The following SLC39A8 variants were observed in gnomAD, a reference collection of about 807,000 sequenced individuals.
The protein encoded by SLC39A8 is solute carrier family 39 member 8, also known as metal cation symporter ZIP8.
In SLC39A8, 15 loss-of-function variants were observed where a neutral mutation model predicts 40.4. The observed-to-expected ratio is 0.37, with a 90% confidence interval of 0.25 to 0.57. SLC39A8 has a LOEUF of 0.57. SLC39A8 is among the 20% of genes least tolerant of loss of function. The pLI, the probability that SLC39A8 is intolerant of heterozygous loss-of-function variation, is 0.75. For synonymous variants in SLC39A8, 223 were observed against 221.6 expected (o/e 1.01, Z -0.06); for missense variants, 472 against 558.8 (o/e 0.84, Z 1.57).
rs1469562193 is a variant in SLC39A8, at chr4:102,263,182, C to G, written c.1245G>C (p.Met415Ile). ...TTACCTTTTCTCTCAGCATATCATT[C>G]ATCTCTGGAAACTAGAAGACAGATA... Reference protein sequence around the residue: ...YISLADMFPEMNDMLREKVTG... With the variant: ...YISLADMFPEINDMLREKVTG... The change falls in exon 9 of 9, where the codon ATG becomes ATC. Residue 415 changes from methionine to isoleucine, a missense_variant. Met to Ile is a conservative substitution (Grantham distance 10). Coordinates refer to ENST00000356736, the MANE Select transcript of SLC39A8 (RefSeq NM_001135146.2). The G allele has an allele frequency of 1.2e-6, 2 of 1,613,212 alleles. No homozygotes were observed. Among genetic ancestry groups the G allele is most frequent in the East Asian group, 4.5e-5 (2 of 44,844 alleles).
intron 2 of SLC39A8, among the ~76,000 whole-genome samples, chr4:102,340,878 G>A (rs149837158): frequency 2.0e-5 from 3 of 152,264 alleles, no homozygotes; most frequent in Admixed American, 6.5e-5. Context: ...GCAATTCAAG[G>A]AAAAGAAGAA....
chr4:102,317,675 G>A (rs1734721950), intron 2 of SLC39A8, among the ~76,000 whole-genome samples: 1 of 152,152 alleles, frequency 6.6e-6, no homozygotes, highest in Admixed American at 6.6e-5. Flanking sequence ...AGGTGTGATA[G>A]CACATGATAG....
chr4:102,294,906 T>G (rs1444329234), intron 6 of SLC39A8, among the ~76,000 whole-genome samples: 2 of 151,892 alleles, frequency 1.3e-5, no homozygotes, highest in Non-Finnish European at 2.9e-5. Context: ...CTTATTAAAT[T>G]GGCAATAATC....
At chr4:102,341,632 T>C (rs1439729318) in intron 2 of SLC39A8, among the ~76,000 whole-genome samples, 1 of 152,238 alleles carries the variant, frequency 6.6e-6, no homozygotes, top group African/African-American at 2.4e-5. Flanking sequence ...CTTCGCACTG[T>C]CAGTAGCTAT....
intron 6 of SLC39A8, among the ~76,000 whole-genome samples, chr4:102,288,077 C>T (rs1733259985): frequency 6.6e-6 from 1 of 152,072 alleles, no homozygotes; most frequent in African/African-American, 2.4e-5. Context: ...TATTGTGCTT[C>T]TCAGATATTG....
At chr4:102,294,062 C>T (rs1733580609) in intron 6 of SLC39A8, among the ~76,000 whole-genome samples, 1 of 151,758 alleles carries the variant, frequency 6.6e-6, no homozygotes, top group African/African-American at 2.4e-5. Flanking sequence ...AAACTGGATC[C>T]TCATATACAA....
chr4:102,263,888 G>A (rs1731973932), intron 8 of SLC39A8, among the ~76,000 whole-genome samples: 1 of 152,082 alleles, frequency 6.6e-6, no homozygotes, highest in Non-Finnish European at 1.5e-5. Flanking sequence ...GTTTAATCAC[G>A]AGATTGCAGC....
At position 102,270,468 on chromosome 4, in the gene SLC39A8, G is replaced by C. The variant is rs534080292; in HGVS notation, c.841-2389C>G. On this transcript the variant is annotated intron_variant, in intron 6 of 8. Coordinates refer to ENST00000356736, the MANE Select transcript of SLC39A8 (RefSeq NM_001135146.2). ...ACCTAGAATTAAATCACTGAGCAGAGAGAACACTAAATTCAAGTTCCTGTA... is the reference window on the plus strand; with the variant it reads ...ACCTAGAATTAAATCACTGAGCAGACAGAACACTAAATTCAAGTTCCTGTA... Among the ~76,000 whole-genome samples, 11 of 152,272 alleles carry C rather than the reference G, an allele frequency of 7.2e-5. No homozygotes were observed. In the South Asian group the frequency reaches 2.1e-3, roughly 29 times the overall value.
At chr4:102,283,432 G>A (rs1732997762) in intron 6 of SLC39A8, among the ~76,000 whole-genome samples, 1 of 152,132 alleles carries the variant, frequency 6.6e-6, no homozygotes. Flanking sequence ...TTATTTTATT[G>A]CTGTTTGCCA....
intron 6 of SLC39A8, among the ~76,000 whole-genome samples, chr4:102,289,354 G>A (rs973226559): frequency 1.3e-5 from 2 of 152,100 alleles, no homozygotes; most frequent in Admixed American, 6.6e-5. Context: ...AGTCACCTAA[G>A]AGCTCTTACG....
chr4:102,335,918 A>G (rs1238329838), intron 2 of SLC39A8, among the ~76,000 whole-genome samples: 1 of 151,954 alleles, frequency 6.6e-6, no homozygotes, highest in Non-Finnish European at 1.5e-5. Context: ...TTCTTCTTTT[A>G]GTTGACAGAC....
At chr4:102,314,511 C>T (rs1734576042) in intron 3 of SLC39A8, among the ~76,000 whole-genome samples, 1 of 152,126 alleles carries the variant, frequency 6.6e-6, no homozygotes, top group Non-Finnish European at 1.5e-5. Flanking sequence ...GTCTCCATCT[C>T]CCGCCAGGAC....
At chr4:102,307,896 C>T (rs910180398) in intron 3 of SLC39A8, among the ~76,000 whole-genome samples, 3 of 151,796 alleles carry the variant, frequency 2.0e-5, no homozygotes, top group South Asian at 2.1e-4. Context: ...CAGCGAACAG[C>T]GACAAACAAT....
chr4:102,340,048 C>T (rs1185286891), intron 2 of SLC39A8, among the ~76,000 whole-genome samples: 2 of 152,118 alleles, frequency 1.3e-5, no homozygotes, highest in African/African-American at 4.8e-5. Flanking sequence ...ATCACTGTTT[C>T]GTGCATTATA....
intron 8 of SLC39A8, among the ~76,000 whole-genome samples, chr4:102,265,925 C>T (rs1732077713): frequency 6.6e-6 from 1 of 152,194 alleles, no homozygotes; most frequent in Non-Finnish European, 1.5e-5. Flanking sequence ...CTACCATCAC[C>T]TGTACCAGAA....
intron 8 of SLC39A8, among the ~76,000 whole-genome samples, chr4:102,265,272 C>T (rs1233728827): frequency 2.6e-5 from 4 of 152,002 alleles, no homozygotes; most frequent in Non-Finnish European, 5.9e-5. Context: ...TGTTGGGTGT[C>T]AAGGAATAGG....
rs1731922054 is a variant in SLC39A8 at position 102,262,795 on chromosome 4, T to C, written c.*249A>G. 1.6e-6 allele frequency: 2 copies of C among 1,226,068 alleles called. No individual in the cohort carries two copies. Among genetic ancestry groups the C allele is most frequent in the South Asian group, 2.5e-5 (1 of 39,826 alleles). The allele number at this position is 1,226,068 out of a possible 1,614,324, so 75.9% of individuals were successfully genotyped here. ...GTGATATCTAATATGCATGGAATACTGAAAAATAGGTATTTCCCAAAGGCT... is the reference window on the plus strand; with the variant it reads ...GTGATATCTAATATGCATGGAATACCGAAAAATAGGTATTTCCCAAAGGCT... On this transcript the variant is annotated 3_prime_UTR_variant, in exon 9 of 9. Coordinates refer to ENST00000356736, the MANE Select transcript of SLC39A8 (RefSeq NM_001135146.2).
At chr4:102,334,406 G>A (rs1054111740) in intron 2 of SLC39A8, among the ~76,000 whole-genome samples, 9 of 152,128 alleles carry the variant, frequency 5.9e-5, no homozygotes, top group Non-Finnish European at 7.4e-5. Context: ...ATATTGTTTC[G>A]AGTATCAAAT....
At chr4:102,257,063 A>G (rs1287849265), downstream of SLC39A8, among the ~76,000 whole-genome samples, 1 of 152,200 alleles carries the variant, frequency 6.6e-6, no homozygotes, top group African/African-American at 2.4e-5. Flanking sequence ...GAGAATAAGC[A>G]TTTATAAACT....
Sources: allele counts gnomAD v4.1 joint callset (sites outside exome capture counted in the v4.1 genomes callset), GRCh38; gene constraint gnomAD v4.1.1; transcripts MANE v1.5; gene names NCBI Gene and HGNC (gene_info 2026-07-23, HGNC 2026-07-21).